FERMT2: variants seen among roughly 807,000 people sequenced by gnomAD.
FERMT2 encodes fermitin family homolog 2.
Under a neutral mutation model 82.7 loss-of-function variants are expected in FERMT2, and 15 were observed. The ratio of observed to expected loss-of-function variants is 0.18; its 90% CI spans 0.12 to 0.28. The LOEUF (loss-of-function observed/expected upper bound fraction) is 0.28, where lower values mean the gene tolerates loss of function less well. Ranked by LOEUF, FERMT2 falls within the 10% of genes least tolerant of loss-of-function variation. The pLI is 1.00. For missense variants in FERMT2, 645 were observed against 809.4 expected (o/e 0.80, Z 2.46); for synonymous variants, 274 against 271.5 (o/e 1.01, Z -0.09).
chr14:52,883,108 G>A (rs897238298), intron 4 of FERMT2, among the ~76,000 whole-genome samples: 1 of 152,092 alleles, frequency 6.6e-6, no homozygotes, highest in African/African-American at 2.4e-5. Flanking sequence ...AGCCAAGATT[G>A]CATCAATGCA....
chr14:52,869,807 A>G (rs368166357), intron 10 of FERMT2, among the ~76,000 whole-genome samples: 6 of 152,200 alleles, frequency 3.9e-5, no homozygotes, highest in African/African-American at 1.2e-4. Context: ...TACCAGAGGA[A>G]ATGACAGCTC....
intron 2 of FERMT2, among the ~76,000 whole-genome samples, chr14:52,943,783 T>A (rs1406142513): frequency 3.9e-5 from 6 of 152,242 alleles, no homozygotes; most frequent in Non-Finnish European, 2.9e-5. Flanking sequence ...CAGTGTTCAC[T>A]CAATTACTCT....
intron 4 of FERMT2, among the ~76,000 whole-genome samples, chr14:52,890,612 T>TA (rs1166345692): frequency 6.7e-6 from 1 of 150,282 alleles, no homozygotes; most frequent in South Asian, 2.1e-4. Context: ...TATCCTCTTT[T>TA]TTTTTTTTTG....
intron 2 of FERMT2, among the ~76,000 whole-genome samples, chr14:52,937,536 C>T (rs1018946046): frequency 6.6e-6 from 1 of 152,178 alleles, no homozygotes; most frequent in African/African-American, 2.4e-5. Context: ...TATTCAAGGG[C>T]TACTTATTTG....
chr14:52,950,609 C>A, intron 1 of FERMT2, 32 bp from the exon 2 acceptor site: 1 of 1,603,072 alleles, frequency 6.2e-7, no homozygotes, highest in South Asian at 1.1e-5. Flanking sequence ...CTCTCGTAAG[C>A]GTCACTCCCC....
intron 3 of FERMT2, among the ~76,000 whole-genome samples, chr14:52,911,467 T>C (rs940148662): frequency 1.3e-5 from 2 of 151,990 alleles, no homozygotes; most frequent in South Asian, 2.1e-4. Flanking sequence ...CTGGCTAACA[T>C]GGTGAAAACC....
intron 4 of FERMT2, chr14:52,881,829 C>CT: frequency 7.8e-7 from 1 of 1,285,750 alleles, no homozygotes; most frequent in Non-Finnish European, 1.0e-6. Context: ...ACATCAGTGC[C>CT]TATAGGAAAG....
In FERMT2 at chr14:52,864,717, T is replaced by C. The variant is rs753163184; in HGVS notation, c.1380+30A>G. ...TGACTGGTCAACTCATTTAAGAAAA[T>C]TGAAGTGTATTTTTAACTGGAAAAC... On this transcript the variant is annotated intron_variant, in intron 11 of 14. Transcript: ENST00000341590. The C allele has an allele frequency of 1.2e-5, 19 of 1,583,920 alleles. No homozygotes were observed. The East Asian group carries it at 1.6e-4, about 13-fold the overall frequency.
In FERMT2 at chr14:52,934,868, C is replaced by A. The variant is rs998311017; in HGVS notation, c.158-15512G>T. 5.3e-5 allele frequency among the ~76,000 whole-genome samples: 8 copies of A among 152,106 alleles called. No individual in the cohort carries two copies. In the East Asian group the frequency reaches 1.3e-3, roughly 26 times the overall value. On this transcript the variant is annotated intron_variant, in intron 2 of 14. Coordinates refer to ENST00000341590, the MANE Select transcript of FERMT2 (RefSeq NM_006832.3). ...AACATCATGAGTTTCTCATGGGGGA[C>A]AGAGAGGCAACACTAACACTTCTGT...
intron 2 of FERMT2, among the ~76,000 whole-genome samples, chr14:52,947,428 G>A (rs1438042888): frequency 1.3e-5 from 2 of 152,134 alleles, no homozygotes; most frequent in African/African-American, 2.4e-5. Flanking sequence ...GCAGTGAGCC[G>A]GGATCGCGCT....
At chr14:52,905,788 T>C (rs972643070) in intron 3 of FERMT2, among the ~76,000 whole-genome samples, 1 of 152,194 alleles carries the variant, frequency 6.6e-6, no homozygotes. Context: ...AGGAATGCCA[T>C]GAGTTCAGCC....
chr14:52,896,122 C>T (rs901497537), intron 3 of FERMT2, among the ~76,000 whole-genome samples: 6 of 152,134 alleles, frequency 3.9e-5, no homozygotes, highest in East Asian at 1.9e-4. Context: ...CACAAGGAGA[C>T]GGAAAATTTT....
chr14:52,926,149 A>AAAAGGGAAATGGTTATCTAC (rs59388902), intron 2 of FERMT2, among the ~76,000 whole-genome samples: 63 of 152,048 alleles, frequency 4.1e-4, no homozygotes, highest in Admixed American at 9.8e-4. Context: ...TGATGACTTT[A>AAAAGGGAAATGGTTATCTAC]AAATACTTAC....
chr14:52,860,228 T>G, intron 13 of FERMT2, 113 bp downstream of exon 13: 2 of 739,932 alleles, frequency 2.7e-6, no homozygotes, highest in Non-Finnish European at 4.3e-6. Flanking sequence ...TATTGTAATA[T>G]GAGTTAATGG....
At chr14:52,881,706 A>T in intron 4 of FERMT2, 2 of 1,226,300 alleles carry the variant, frequency 1.6e-6, no homozygotes, top group Non-Finnish European at 2.2e-6. Flanking sequence ...TTCTGGGGAA[A>T]AAAAATCAGT....
At chr14:52,950,315 G>A (rs1890567721) in intron 2 of FERMT2, 97 bp downstream of exon 2, 3 of 1,281,510 alleles carry the variant, frequency 2.3e-6, no homozygotes, top group Non-Finnish European at 3.3e-6. Flanking sequence ...GAGATGCCAA[G>A]ATTTCTCAAA....
Position 52,950,914 on chromosome 14 carries a change from C to T in FERMT2, c.-10+7G>A, listed in dbSNP as rs1162721279. ...CCTCGGGTCCCGGCGGGGTCCCGCTCCCTCACCGCGCGCTCCTAGCGCTCC... is the reference window on the plus strand; with the variant it reads ...CCTCGGGTCCCGGCGGGGTCCCGCTTCCTCACCGCGCGCTCCTAGCGCTCC... On this transcript the variant is annotated splice_region_variant and intron_variant, in intron 1 of 14. Coordinates refer to ENST00000341590, the MANE Select transcript of FERMT2 (RefSeq NM_006832.3). 8 of 179,562 alleles carry T rather than the reference C, an allele frequency of 4.5e-5. No homozygotes were observed. The highest frequency in any genetic ancestry group is 9.2e-5 in the Non-Finnish European group (8 of 86,782). The allele number at this position is 179,562 out of a possible 1,614,324, so 11.1% of individuals were successfully genotyped here. A position where few individuals can be genotyped will look rare whatever the true frequency, so the allele number is the denominator to read the frequency against.
At chr14:52,893,832 GT>G (rs58033043) in intron 3 of FERMT2, among the ~76,000 whole-genome samples, 104,030 of 138,996 alleles carry the variant, frequency 0.75, 40,181 homozygotes, top group Non-Finnish European at 0.88. Flanking sequence ...TCCCAGTTTT[GT>G]TTTTTTTTTT....
intron 2 of FERMT2, among the ~76,000 whole-genome samples, chr14:52,944,546 A>AT (rs1175032428): frequency 2.0e-5 from 3 of 152,154 alleles, no homozygotes; most frequent in South Asian, 2.1e-4. Flanking sequence ...TGTTTAAAGT[A>AT]TTTTTTTGTG....
Sources: gnomAD v4.1 joint callset for allele counts (sites outside exome capture counted in the v4.1 genomes callset) on GRCh38, gnomAD v4.1.1 for gene constraint, MANE v1.5 for transcripts, NCBI Gene and HGNC (gene_info 2026-07-23, HGNC 2026-07-21) for gene names.